Variants in RAB3GAP1 observed in about 807,000 individuals in gnomAD.
RAB3GAP1 encodes rab3 GTPase-activating protein catalytic subunit.
In RAB3GAP1, 86 loss-of-function variants were observed where a neutral mutation model predicts 130.7. The ratio of observed to expected loss-of-function variants is 0.66; its 90% confidence interval spans 0.55 to 0.79. The LOEUF is 0.79. RAB3GAP1 is among the 30% of genes least tolerant of loss of function. The pLI, the probability that RAB3GAP1 is intolerant of heterozygous loss-of-function variation, is 0.00. For missense variants in RAB3GAP1, 1,029 were observed against 1,169.4 expected (o/e 0.88, Z 1.75); for synonymous variants, 367 against 401.7 (o/e 0.91, Z 1.03).
intron 10 of RAB3GAP1, 115 bp downstream of exon 10, chr2:135,126,364 T>A (rs1274834708): frequency 1.0e-6 from 1 of 972,546 alleles, no homozygotes; most frequent in African/African-American, 1.7e-5. Context: ...ATTTTAGTGT[T>A]CCCTTTTGTG....
In RAB3GAP1 at chr2:135,168,590, T is replaced by C; in HGVS notation, c.2755T>C (p.Ser919Pro). The C allele has an allele frequency of 2.5e-6, 4 of 1,614,154 alleles. No individual in the cohort carries two copies. Among genetic ancestry groups the C allele is most frequent in the Non-Finnish European group, 2.5e-6 (3 of 1,180,030 alleles). Reference protein sequence around the residue: ...PPEEELKRMGSPEERRQNSVS... With the variant: ...PPEEELKRMGPPEERRQNSVS... Reference sequence around the variant, plus strand: ...AGAGGAGGAATTGAAGAGAATGGGCTCCCCAGAGGAAAGAAGGCAGAACTC... The same window carrying C: ...AGAGGAGGAATTGAAGAGAATGGGCCCCCCAGAGGAAAGAAGGCAGAACTC... Residue 919 changes from serine (S) to proline (P), a missense_variant, in exon 24 of 24, where the codon TCC becomes CCC. By Grantham distance (74) the Ser-to-Pro change is moderately conservative. Around this residue, in one of 3 missense-constraint regions of RAB3GAP1, gnomAD observed 146 missense variants for 143.7 expected, o/e 1.02. Coordinates refer to ENST00000264158, the MANE Select transcript of RAB3GAP1 (RefSeq NM_012233.3).
At chr2:135,059,125 A>G (rs1460674161) in intron 3 of RAB3GAP1, 1 of 152,122 alleles carries the variant, frequency 6.6e-6, no homozygotes, top group Non-Finnish European at 1.5e-5. Flanking sequence ...AAAATACATC[A>G]TTCAAAGACT....
intron 2 of RAB3GAP1, among the ~76,000 whole-genome samples, chr2:135,054,404 C>T (rs1688955104): frequency 6.6e-6 from 1 of 152,128 alleles, no homozygotes; most frequent in Non-Finnish European, 1.5e-5. Flanking sequence ...GGAGACTTAA[C>T]TTGATTCATA....
chr2:135,056,357 C>T (rs886371295), intron 2 of RAB3GAP1, among the ~76,000 whole-genome samples: 3 of 151,978 alleles, frequency 2.0e-5, no homozygotes, highest in East Asian at 1.9e-4. Flanking sequence ...TGCCTGCCAC[C>T]GCGCCTGGCT....
intron 17 of RAB3GAP1, among the ~76,000 whole-genome samples, chr2:135,143,556 C>CTT (rs770650929): frequency 4.4e-4 from 60 of 135,080 alleles, no homozygotes; most frequent in African/African-American, 1.1e-3. Flanking sequence ...TAACATGCTA[C>CTT]TTTTTTTTTT....
intron 5 of RAB3GAP1, 147 bp downstream of exon 5, chr2:135,093,840 A>G: frequency 1.4e-6 from 1 of 730,482 alleles, no homozygotes; most frequent in Non-Finnish European, 2.4e-6. Flanking sequence ...GATACAGGGC[A>G]AAATCTGCAA....
intron 13 of RAB3GAP1, among the ~76,000 whole-genome samples, chr2:135,132,030 T>G (rs920587666): frequency 1.3e-5 from 2 of 152,232 alleles, no homozygotes; most frequent in Non-Finnish European, 1.5e-5. Context: ...GTAGTGATAC[T>G]TAGCTCAAAC....
chr2:135,056,443 A>T (rs1689014790), intron 2 of RAB3GAP1, among the ~76,000 whole-genome samples: 1 of 151,994 alleles, frequency 6.6e-6, no homozygotes, highest in African/African-American at 2.4e-5. Context: ...TGACCTCGTG[A>T]TCCACCCGCC....
chr2:135,145,194 T>C (rs1190026815), intron 17 of RAB3GAP1, among the ~76,000 whole-genome samples: 1 of 152,200 alleles, frequency 6.6e-6, no homozygotes, highest in African/African-American at 2.4e-5. Context: ...GATAGGTGAT[T>C]GATAAATCTG....
At chr2:135,140,875 C>T (rs1462761149) in intron 17 of RAB3GAP1, among the ~76,000 whole-genome samples, 2 of 152,206 alleles carry the variant, frequency 1.3e-5, no homozygotes, top group Non-Finnish European at 2.9e-5. Context: ...AGGTTCTCAG[C>T]TGCCAGCCAA....
intron 23 of RAB3GAP1, chr2:135,165,067 C>A (rs1018818840): frequency 1.8e-4 from 81 of 442,698 alleles, no homozygotes; most frequent in African/African-American, 1.6e-3. Context: ...CTTTAAACCC[C>A]ATGTAGGGCA....
intron 2 of RAB3GAP1, among the ~76,000 whole-genome samples, chr2:135,055,841 T>G (rs1207326816): frequency 6.6e-6 from 1 of 151,966 alleles, no homozygotes; most frequent in East Asian, 1.9e-4. Flanking sequence ...TATTTCCTTT[T>G]TTTTTCTTTT....
At chr2:135,127,226 C>G (rs2104937924) in intron 11 of RAB3GAP1, among the ~76,000 whole-genome samples, 1 of 150,744 alleles carries the variant, frequency 6.6e-6, no homozygotes, top group East Asian at 2.0e-4. Flanking sequence ...ATGTTACTCC[C>G]TTTCCTTCCT....
intron 3 of RAB3GAP1, among the ~76,000 whole-genome samples, chr2:135,081,069 T>C (rs138682628): frequency 6.6e-6 from 1 of 152,110 alleles, no homozygotes; most frequent in African/African-American, 2.4e-5. Flanking sequence ...AATTTTGCCA[T>C]GAAGCAAACG....
chr2:135,095,503 T>C (rs1039372141), intron 5 of RAB3GAP1, among the ~76,000 whole-genome samples: 4 of 152,196 alleles, frequency 2.6e-5, no homozygotes, highest in African/African-American at 7.2e-5. Context: ...TTATTGAATA[T>C]TGAAATGAAC....
At position 135,132,965 on chromosome 2, in the gene RAB3GAP1, C is replaced by T. The variant is rs75269203; in HGVS notation, c.1307C>T (p.Pro436Leu). Residue 436 changes from proline (P) to leucine (L), a missense_variant, in exon 14 of 24, where the codon CCA becomes CTA. Around this residue, in one of 3 missense-constraint regions of RAB3GAP1, gnomAD observed 510 missense variants for 532.1 expected, o/e 0.96. Transcript: ENST00000264158. ...GTTSTDNNNP[P>L]SESEDYNLYN... ...ACTTCAACAGATAATAATAATCCTC[C>T]ATCAGAGAGTGAAGACTATGTAAGT... 2.5e-4 allele frequency: 393 copies of T among 1,564,150 alleles called. 1 individual carries two copies. The African/African-American group carries it at 4.9e-3, about 19-fold the overall frequency.
At chr2:135,108,703 G>A (rs1478716515) in intron 5 of RAB3GAP1, among the ~76,000 whole-genome samples, 1 of 152,006 alleles carries the variant, frequency 6.6e-6, no homozygotes, top group East Asian at 1.9e-4. Flanking sequence ...ATGAAGTCTA[G>A]CGTATCAGTT....
chr2:135,059,973 T>C lies in RAB3GAP1; in HGVS notation c.150+1887T>C, dbSNP rs940556767. ...GACTTCCTTTGAAGATTTTAACTTA[T>C]ATGAAGGACAGTGATTATTAATTTT... On this transcript the variant is annotated intron_variant, in intron 3 of 23. Coordinates refer to ENST00000264158, the MANE Select transcript of RAB3GAP1 (RefSeq NM_012233.3). Among the ~76,000 whole-genome samples, 7 of 152,322 alleles carry C rather than the reference T, an allele frequency of 4.6e-5. No homozygotes were observed. The East Asian group carries it at 9.6e-4, about 21-fold the overall frequency.
At chr2:135,150,583 T>C in intron 18 of RAB3GAP1, 77 bp downstream of exon 18, 1 of 1,577,508 alleles carries the variant, frequency 6.3e-7, no homozygotes, top group Non-Finnish European at 8.7e-7. Flanking sequence ...CTCTGTAAAG[T>C]GGTATAAAGG....
Sources: allele counts gnomAD v4.1 joint callset (sites outside exome capture counted in the v4.1 genomes callset), GRCh38; gene constraint gnomAD v4.1.1; regional missense constraint gnomAD v4.1.1; transcripts MANE v1.5; gene names NCBI Gene and HGNC (gene_info 2026-07-23, HGNC 2026-07-21).